SLC41A3: variants seen among roughly 807,000 people sequenced by gnomAD.
SLC41A3 encodes SLC41A1-like 2.
Under a neutral mutation model 45.4 loss-of-function variants are expected in SLC41A3, and 44 were observed. The ratio of observed to expected loss-of-function variants is 0.97; its 90% CI spans 0.76 to 1.25. The LOEUF (loss-of-function observed/expected upper bound fraction) is 1.25, where lower values mean the gene tolerates loss of function less well. Among genes scored for constraint, SLC41A3 ranks in the 50% most tolerant of loss-of-function variants. The pLI is 0.00. For missense variants in SLC41A3, 550 were observed against 600.6 expected (o/e 0.92, Z 0.88); for synonymous variants, 256 against 252.4 (o/e 1.01, Z -0.13).
chr3:126,064,040 T>C (rs559120606), intron 2 of SLC41A3, among the ~76,000 whole-genome samples: 1 of 149,388 alleles, frequency 6.7e-6, no homozygotes, highest in East Asian at 2.0e-4. Context: ...GTACTCTCCC[T>C]CCTGGCCAAG....
chr3:126,038,780 A>G (rs990571039), intron 3 of SLC41A3, among the ~76,000 whole-genome samples: 2 of 152,216 alleles, frequency 1.3e-5, no homozygotes, highest in Non-Finnish European at 1.5e-5. Context: ...AGAATAAGAT[A>G]TTTGGTAGGC....
chr3:126,007,335 C>A, intron 10 of SLC41A3, 110 bp from the exon 11 acceptor site: 1 of 1,171,816 alleles, frequency 8.5e-7, no homozygotes, highest in Non-Finnish European at 1.2e-6. Flanking sequence ...CAGGTCAACC[C>A]CAGCCAGCCT....
intron 6 of SLC41A3, among the ~76,000 whole-genome samples, chr3:126,021,808 C>T (rs1025278708): frequency 2.0e-5 from 3 of 152,188 alleles, no homozygotes; most frequent in African/African-American, 4.8e-5. Flanking sequence ...CCTGAATATA[C>T]ACTTCAATTA....
chr3:126,080,339 T>C (rs1356729932), intron 1 of SLC41A3, among the ~76,000 whole-genome samples: 8 of 150,330 alleles, frequency 5.3e-5, no homozygotes. Flanking sequence ...CCAGAATATA[T>C]AGTACCAGGA....
intron 3 of SLC41A3, among the ~76,000 whole-genome samples, chr3:126,050,050 T>C (rs185805320): frequency 5.2e-4 from 79 of 152,326 alleles, no homozygotes; most frequent in Non-Finnish European, 5.7e-4. Context: ...TCTATCTGTA[T>C]AATCCAGGAC....
At chr3:126,009,732 T>G (rs1939502056) in intron 9 of SLC41A3, among the ~76,000 whole-genome samples, 1 of 152,224 alleles carries the variant, frequency 6.6e-6, no homozygotes. Flanking sequence ...AATAAAAGTA[T>G]TATTTTAAAA....
At chr3:126,050,515 C>T (rs1294517714) in intron 3 of SLC41A3, among the ~76,000 whole-genome samples, 1 of 152,190 alleles carries the variant, frequency 6.6e-6, no homozygotes, top group Non-Finnish European at 1.5e-5. Context: ...GGAGCAGAAG[C>T]CACTGAGAAA....
At position 126,012,750 on chromosome 3, in the gene SLC41A3, C is replaced by G. The variant is rs149021531; in HGVS notation, c.971-1G>C. The G allele has an allele frequency of 1.8e-5, 29 of 1,614,004 alleles. No individual in the cohort carries two copies. Among genetic ancestry groups the G allele is most frequent in the Non-Finnish European group, 2.4e-5 (28 of 1,179,984 alleles). ...ATGGCCACCAGATTGCCACCAACAC[C>G]TACGAGGAGAAAAGGAATCTGTTTT... On this transcript the variant is annotated splice_acceptor_variant, in intron 8 of 10. Coordinates refer to ENST00000360370, the MANE Select transcript of SLC41A3 (RefSeq NM_017836.4). LOFTEE classifies it high-confidence loss of function.
At chr3:126,076,715 C>T (rs191205195) in intron 1 of SLC41A3, among the ~76,000 whole-genome samples, 7 of 152,332 alleles carry the variant, frequency 4.6e-5, no homozygotes, top group African/African-American at 1.7e-4. Flanking sequence ...ATACTAGCCT[C>T]ACTCTGGGGA....
chr3:126,088,134 G>A (rs1945429385), upstream of SLC41A3, among the ~76,000 whole-genome samples: 1 of 151,976 alleles, frequency 6.6e-6, no homozygotes, highest in African/African-American at 2.4e-5. Flanking sequence ...TTATCTGAAG[G>A]GAGATAATTT....
At chr3:126,081,489 T>C (rs1002287601) in intron 1 of SLC41A3, among the ~76,000 whole-genome samples, 6 of 152,246 alleles carry the variant, frequency 3.9e-5, no homozygotes, top group African/African-American at 9.6e-5. Context: ...TCGGAATAGC[T>C]AGAATTCAAA....
In SLC41A3 at chr3:126,028,421, T is replaced by C. The variant is rs372130038; in HGVS notation, c.454-1942A>G. Among the ~76,000 whole-genome samples the C allele has an allele frequency of 3.9e-5, 6 of 152,374 alleles. No homozygotes were observed. In the South Asian group the frequency reaches 8.3e-4, roughly 21 times the overall value. On this transcript the variant is annotated intron_variant, in intron 4 of 10. Coordinates refer to ENST00000360370, the MANE Select transcript of SLC41A3 (RefSeq NM_017836.4). ...ATGCAACGCATAAGCCTTGGTTCCA[T>C]CCACATGTGTTATGCCTGCGGTTGC...
chr3:126,083,516 GT>G (rs1479308682), intron 1 of SLC41A3, among the ~76,000 whole-genome samples: 2 of 152,156 alleles, frequency 1.3e-5, no homozygotes, highest in Admixed American at 6.5e-5. Context: ...CCCCCAGGAG[GT>G]TTTCTTCACC....
intron 1 of SLC41A3, among the ~76,000 whole-genome samples, chr3:126,096,149 G>A (rs1430417586): frequency 5.9e-5 from 9 of 152,208 alleles, no homozygotes; most frequent in Non-Finnish European, 1.0e-4. Context: ...AAGAACTGGA[G>A]TGCTTGAAGG....
intron 2 of SLC41A3, among the ~76,000 whole-genome samples, chr3:126,064,185 C>G (rs1222215460): frequency 6.6e-6 from 1 of 152,026 alleles, no homozygotes; most frequent in Non-Finnish European, 1.5e-5. Context: ...GGCCTCAACA[C>G]CTGGAGAAAG....
At chr3:126,047,511 T>C (rs193298660) in intron 3 of SLC41A3, among the ~76,000 whole-genome samples, 4 of 152,340 alleles carry the variant, frequency 2.6e-5, no homozygotes, top group Admixed American at 2.0e-4. Context: ...CTTCGAAACT[T>C]ATTATAAAGC....
intron 1 of SLC41A3, among the ~76,000 whole-genome samples, chr3:126,083,379 T>C (rs1945260382): frequency 6.6e-6 from 1 of 152,034 alleles, no homozygotes; most frequent in Non-Finnish European, 1.5e-5. Flanking sequence ...ACTAAAGTCA[T>C]ATGGAAAAAA....
At chr3:126,076,551 C>A (rs559484443) in intron 1 of SLC41A3, among the ~76,000 whole-genome samples, 1 of 152,252 alleles carries the variant, frequency 6.6e-6, no homozygotes, top group East Asian at 1.9e-4. Context: ...ATGGTATGAA[C>A]TTTATATCAC....
At chr3:126,020,344 C>A (rs1187600100) in intron 6 of SLC41A3, among the ~76,000 whole-genome samples, 1 of 152,118 alleles carries the variant, frequency 6.6e-6, no homozygotes, top group Admixed American at 6.5e-5. Flanking sequence ...TGCTTTTGGG[C>A]CTTTTCCCCC....
Sources: allele counts gnomAD v4.1 joint callset (sites outside exome capture counted in the v4.1 genomes callset), GRCh38; gene constraint gnomAD v4.1.1; transcripts MANE v1.5; gene names NCBI Gene and HGNC (gene_info 2026-07-23, HGNC 2026-07-21).